Variants in DNAJC1 observed in about 807,000 individuals in gnomAD.
DNAJC1 encodes DnaJ heat shock protein family (Hsp40) member C1.
In DNAJC1, 58 loss-of-function variants were observed where a neutral mutation model predicts 76.6. The ratio of observed to expected loss-of-function variants is 0.76; its 90% confidence interval spans 0.61 to 0.94. DNAJC1 has a LOEUF of 0.94. Ranked by LOEUF, DNAJC1 falls within the 40% of genes least tolerant of loss-of-function variation. The probability of loss-of-function intolerance (pLI) is 0.00; values close to 1 mark genes in which losing one functional copy is unlikely to be tolerated. For missense variants in DNAJC1, 689 were observed against 677.3 expected (o/e 1.02, Z -0.19); for synonymous variants, 258 against 267.9 (o/e 0.96, Z 0.36).
chr10:22,000,773 C>A (rs1395981629), intron 1 of DNAJC1, among the ~76,000 whole-genome samples: 1 of 152,194 alleles, frequency 6.6e-6, no homozygotes, highest in Non-Finnish European at 1.5e-5. Context: ...GCTGCCCTGC[C>A]CGTACCACCA....
chr10:21,771,437 T>C (rs1441012089), intron 9 of DNAJC1, among the ~76,000 whole-genome samples: 1 of 152,236 alleles, frequency 6.6e-6, no homozygotes. Flanking sequence ...CTGGTTGAGA[T>C]ACTTCTTTTT....
intron 1 of DNAJC1, among the ~76,000 whole-genome samples, chr10:21,942,534 C>T (rs186697450): frequency 2.2e-4 from 33 of 151,966 alleles, no homozygotes; most frequent in African/African-American, 6.3e-4. Flanking sequence ...CGGCCGGGCG[C>T]GGTGGCTCAC....
chr10:21,791,564 CA>C (rs1165958389), intron 9 of DNAJC1, among the ~76,000 whole-genome samples: 1 of 151,938 alleles, frequency 6.6e-6, no homozygotes, highest in Admixed American at 6.6e-5. Flanking sequence ...CACAGTGAAA[CA>C]AAACTAGAAA....
At chr10:21,823,562 A>T (rs1454478080) in intron 8 of DNAJC1, among the ~76,000 whole-genome samples, 1 of 152,128 alleles carries the variant, frequency 6.6e-6, no homozygotes, top group Non-Finnish European at 1.5e-5. Flanking sequence ...AGTTATTGTC[A>T]TATTTTCTTC....
At chr10:21,916,577 C>T (rs1016409104) in intron 6 of DNAJC1, among the ~76,000 whole-genome samples, 1 of 152,152 alleles carries the variant, frequency 6.6e-6, no homozygotes, top group Admixed American at 6.5e-5. Flanking sequence ...TAAGGTTGTA[C>T]CTATCATTTT....
At chr10:21,965,818 C>T (rs2131822911) in intron 1 of DNAJC1, among the ~76,000 whole-genome samples, 1 of 152,250 alleles carries the variant, frequency 6.6e-6, no homozygotes, top group African/African-American at 2.4e-5. Context: ...TGTACTTTCA[C>T]CACTTTACTT....
At chr10:21,944,172 T>TG (rs1177128184) in intron 1 of DNAJC1, among the ~76,000 whole-genome samples, 1 of 145,950 alleles carries the variant, frequency 6.9e-6, no homozygotes, top group Non-Finnish European at 1.5e-5. Context: ...ACATAAAGGT[T>TG]TTTTTTTTTT....
chr10:21,799,507 C>T (rs186372477), intron 9 of DNAJC1, among the ~76,000 whole-genome samples: 6 of 152,170 alleles, frequency 3.9e-5, no homozygotes, highest in East Asian at 1.9e-4. Context: ...TTCCCTATGT[C>T]GCCCAGGCTG....
intron 8 of DNAJC1, among the ~76,000 whole-genome samples, chr10:21,841,627 T>A (rs1446478917): frequency 3.3e-5 from 5 of 152,014 alleles, no homozygotes; most frequent in East Asian, 1.9e-4. Flanking sequence ...GGATGTGGAG[T>A]AATAGGAACA....
chr10:21,986,854 G>T (rs1009261667), intron 1 of DNAJC1, among the ~76,000 whole-genome samples: 1 of 151,844 alleles, frequency 6.6e-6, no homozygotes, highest in Non-Finnish European at 1.5e-5. Flanking sequence ...TGCAAACTCC[G>T]CCTCCCAGGT....
intron 9 of DNAJC1, among the ~76,000 whole-genome samples, chr10:21,775,090 T>C (rs1834436140): frequency 6.6e-6 from 1 of 152,304 alleles, no homozygotes; most frequent in Non-Finnish European, 1.5e-5. Flanking sequence ...TCTGAGTCCT[T>C]CAGATCATTA....
At chr10:21,830,347 C>G (rs1835336072) in intron 8 of DNAJC1, among the ~76,000 whole-genome samples, 1 of 152,176 alleles carries the variant, frequency 6.6e-6, no homozygotes, top group Admixed American at 6.5e-5. Context: ...TTCCTACTTT[C>G]AACTAATACT....
chr10:21,941,286 A>AAAAAAAAAAG (rs1837407163), intron 1 of DNAJC1, among the ~76,000 whole-genome samples: 1 of 149,548 alleles, frequency 6.7e-6, no homozygotes, highest in Non-Finnish European at 1.5e-5. Flanking sequence ...AAAAAAAAAA[A>AAAAAAAAAAG]AAAAAACAGA....
chr10:21,839,828 T>C (rs1215259439), intron 8 of DNAJC1, among the ~76,000 whole-genome samples: 1 of 152,198 alleles, frequency 6.6e-6, no homozygotes, highest in African/African-American at 2.4e-5. Flanking sequence ...ATATCCTTGA[T>C]GAACATCGAT....
intron 1 of DNAJC1, among the ~76,000 whole-genome samples, chr10:21,929,857 T>C (rs1250304349): frequency 1.3e-5 from 2 of 152,210 alleles, no homozygotes; most frequent in African/African-American, 4.8e-5. Flanking sequence ...AGTACTTAGA[T>C]TAAGTGGATA....
chr10:21,768,588 C>A (rs1041019937), intron 9 of DNAJC1, among the ~76,000 whole-genome samples: 2 of 152,202 alleles, frequency 1.3e-5, no homozygotes, highest in African/African-American at 4.8e-5. Context: ...TGAAATAGAT[C>A]ATTTGTTTTC....
intron 8 of DNAJC1, among the ~76,000 whole-genome samples, chr10:21,848,884 C>T (rs1835703327): frequency 6.6e-6 from 1 of 152,010 alleles, no homozygotes; most frequent in Admixed American, 6.6e-5. Context: ...CCAATGAGTA[C>T]AAGAAAAATC....
chr10:21,820,475 C>CA (rs915241757), intron 8 of DNAJC1, among the ~76,000 whole-genome samples: 1 of 152,210 alleles, frequency 6.6e-6, no homozygotes, highest in African/African-American at 2.4e-5. Context: ...TCCACTTTCA[C>CA]ACAAACACAA....
At chr10:21,817,995 C>A (rs1427217548) in intron 8 of DNAJC1, among the ~76,000 whole-genome samples, 1 of 152,044 alleles carries the variant, frequency 6.6e-6, no homozygotes, top group Admixed American at 6.6e-5. Context: ...TGTATTTGAA[C>A]AATATGAAAT....
Sources: gnomAD v4.1 joint callset for allele counts (sites outside exome capture counted in the v4.1 genomes callset) on GRCh38, gnomAD v4.1.1 for gene constraint, MANE v1.5 for transcripts, NCBI Gene and HGNC (gene_info 2026-07-23, HGNC 2026-07-21) for gene names.